Variants in AFF2 observed in about 807,000 individuals in gnomAD.
AFF2 encodes ALF transcription elongation factor 2, also known as AF4/FMR2 family member 2.
A neutral mutation model predicts 76.9 loss-of-function variants in AFF2; 14 were observed. That is an observed-to-expected ratio of 0.18 (90% CI 0.12 to 0.28). The LOEUF (loss-of-function observed/expected upper bound fraction) is 0.28. Among genes scored for constraint, AFF2 ranks in the 10% least tolerant of loss-of-function variants. The pLI, the probability that AFF2 is intolerant of heterozygous loss-of-function variation, is 1.00. For synonymous variants in AFF2, 398 were observed against 366.7 expected (o/e 1.09, Z -0.98); for missense variants, 868 against 1,001.1 (o/e 0.87, Z 1.79).
chrX:148,962,701 C>G lies in AFF2; in HGVS notation c.2691-14C>G. 8.5e-7 allele frequency: 1 copy of G among 1,182,995 alleles called. No homozygotes were observed. The highest frequency in any genetic ancestry group is 1.1e-6 in the Non-Finnish European group (1 of 870,457). ...GAAGACTTTATGACACCCTACACTT[C>G]TTGTTTTTCACAGAAATAATTCATC... is the stretch of plus-strand genomic sequence containing the variant. On this transcript the variant is annotated splice_polypyrimidine_tract_variant and intron_variant, in intron 12 of 20. Transcript: ENST00000370460.
intron 1 of AFF2, chrX:148,546,866 A>G (rs782385448): frequency 8.9e-6 from 1 of 112,183 alleles, no homozygotes; most frequent in African/African-American, 3.2e-5. Context: ...TGCTGTGGCC[A>G]TATGCAAAAA....
At chrX:148,742,635 T>C (rs1459188708) in intron 3 of AFF2, among the ~76,000 whole-genome samples, 1 of 111,913 alleles carries the variant, frequency 8.9e-6, no homozygotes, top group African/African-American at 3.3e-5. Flanking sequence ...ATAGAATCCC[T>C]AAAATTCTAC....
At chrX:148,593,931 C>A (rs2053545994) in intron 1 of AFF2, among the ~76,000 whole-genome samples, 1 of 111,301 alleles carries the variant, frequency 9.0e-6, no homozygotes, top group South Asian at 3.8e-4. Context: ...AGAGTCCAAG[C>A]TTTTAACCAT....
chrX:148,987,570 G>T lies in AFF2; in HGVS notation c.3814+13G>T, dbSNP rs782539114. ...AGAGAAAACAAAGGTATGCTCATCT[G>T]TTCTACCCATATAGCTCACAGACCA... On this transcript the variant is annotated intron_variant, in intron 20 of 20. Coordinates refer to ENST00000370460, the MANE Select transcript of AFF2 (RefSeq NM_002025.4). The T allele has an allele frequency of 4.2e-6, 5 of 1,193,523 alleles. No homozygotes were observed. The South Asian group carries it at 7.3e-5, about 17-fold the overall frequency.
intron 3 of AFF2, among the ~76,000 whole-genome samples, chrX:148,688,148 G>A (rs1459649134): frequency 3.6e-5 from 4 of 111,066 alleles, no homozygotes; most frequent in African/African-American, 1.3e-4. Flanking sequence ...TAAGCATCAT[G>A]ACTCAGCTGA....
intron 1 of AFF2, among the ~76,000 whole-genome samples, chrX:148,510,761 T>C (rs1557233031): frequency 8.9e-6 from 1 of 112,081 alleles, no homozygotes; most frequent in East Asian, 2.8e-4. Flanking sequence ...GAGAGTTTTG[T>C]TGGTTTTATT....
At chrX:148,741,322 G>C (rs901929540) in intron 3 of AFF2, among the ~76,000 whole-genome samples, 7 of 110,754 alleles carry the variant, frequency 6.3e-5, no homozygotes, top group Non-Finnish European at 1.3e-4. Flanking sequence ...TGACTGCTGT[G>C]GGGGATGGGG....
chrX:148,698,083 G>C (rs1557261477), intron 3 of AFF2, among the ~76,000 whole-genome samples: 1 of 112,152 alleles, frequency 8.9e-6, no homozygotes, highest in African/African-American at 3.2e-5. Flanking sequence ...TGTGTGTCTA[G>C]AGTACACATG....
At chrX:148,647,084 C>A (rs2054151436) in intron 1 of AFF2, among the ~76,000 whole-genome samples, 1 of 112,177 alleles carries the variant, frequency 8.9e-6, no homozygotes, top group African/African-American at 3.2e-5. Flanking sequence ...GAACATATAA[C>A]ATGGATAAAT....
At chrX:148,648,469 G>A (rs1275110480) in intron 1 of AFF2, among the ~76,000 whole-genome samples, 1 of 106,212 alleles carries the variant, frequency 9.4e-6, no homozygotes, top group South Asian at 4.3e-4. Flanking sequence ...GGCTGAGGCA[G>A]GAGAATCGCT....
intron 3 of AFF2, among the ~76,000 whole-genome samples, chrX:148,727,662 G>A (rs1286285021): frequency 1.8e-5 from 2 of 111,275 alleles, no homozygotes; most frequent in African/African-American, 3.3e-5. Flanking sequence ...CTAAATAAAC[G>A]AGTAGCAATG....
chrX:148,662,471 G>A lies in AFF2; in HGVS notation c.744G>A (p.Ala248=), dbSNP rs782235447. 6.6e-5 allele frequency: 80 copies of A among 1,210,176 alleles called. No homozygotes were observed. Among genetic ancestry groups the A allele is most frequent in the East Asian group, 6.2e-4 (21 of 33,785 alleles). The change falls in exon 3 of 21, where the codon GCG becomes GCA. Residue 248 remains alanine, a synonymous_variant. Transcript: ENST00000370460. The stretch of plus-strand genomic sequence containing the variant: ...AAGAATCTGAATTCGCCGTGCAAGC[G>A]CCTGGGTCTCCCCTAGTGGCTTCCT... ...SPEESEFAVQ[A]PGSPLVASSL...
chrX:148,524,127 G>C (rs3040768), intron 1 of AFF2, among the ~76,000 whole-genome samples: 20,381 of 61,738 alleles, frequency 0.33, 2,660 homozygotes, highest in East Asian at 0.73. Flanking sequence ...CTCTCTCTGT[G>C]TGTGTGTGTG....
At chrX:148,922,326 T>G (rs1044700339) in intron 9 of AFF2, among the ~76,000 whole-genome samples, 1 of 111,941 alleles carries the variant, frequency 8.9e-6, no homozygotes, top group Non-Finnish European at 1.9e-5. Flanking sequence ...AAATTATTTC[T>G]TTAATTTTCT....
intron 15 of AFF2, among the ~76,000 whole-genome samples, chrX:148,973,145 G>C (rs2072279647): frequency 9.1e-6 from 1 of 109,479 alleles, no homozygotes. Flanking sequence ...TCTCTGTTTT[G>C]GTACCAGTAC....
chrX:148,704,552 A>C lies in AFF2; in HGVS notation c.1041+41784A>C, dbSNP rs1037363246. ...TATATAAAAATTTTTTTTGAGACATAGTCTTGCTCTGACGTGCAGGCTGGA... is the reference window on the plus strand; with the variant it reads ...TATATAAAAATTTTTTTTGAGACATCGTCTTGCTCTGACGTGCAGGCTGGA... On this transcript the variant is annotated intron_variant, in intron 3 of 20. Transcript: ENST00000370460. Among the ~76,000 whole-genome samples, 5 of 101,661 alleles carry C rather than the reference A, an allele frequency of 4.9e-5. No individual in the cohort carries two copies. In the East Asian group the frequency reaches 1.5e-3, roughly 31 times the overall value. The allele number at this position is 101,661 out of a possible 115,157, so 88.3% of individuals were successfully genotyped here.
At chrX:148,619,868 C>T (rs1557250997) in intron 1 of AFF2, among the ~76,000 whole-genome samples, 2 of 112,060 alleles carry the variant, frequency 1.8e-5, no homozygotes, top group African/African-American at 6.5e-5. Flanking sequence ...GTGTGATCTA[C>T]CAGCATATTT....
chrX:148,585,505 T>C (rs1241659544), intron 1 of AFF2, among the ~76,000 whole-genome samples: 1 of 111,690 alleles, frequency 9.0e-6, no homozygotes, highest in Non-Finnish European at 1.9e-5. Context: ...CTATTTATCA[T>C]GCAAAAGCAT....
At chrX:148,976,575 A>G (rs1557290291) in intron 16 of AFF2, among the ~76,000 whole-genome samples, 1 of 112,027 alleles carries the variant, frequency 8.9e-6, no homozygotes, top group African/African-American at 3.2e-5. Context: ...TGTGGTTGCA[A>G]TTAGAGGGTG....
Sources: allele counts gnomAD v4.1 joint callset (sites outside exome capture counted in the v4.1 genomes callset), GRCh38; gene constraint gnomAD v4.1.1; transcripts MANE v1.5; gene names NCBI Gene and HGNC (gene_info 2026-07-23, HGNC 2026-07-21).